The following EMC3 variants were observed in gnomAD, a reference collection of about 807,000 sequenced individuals.
The protein encoded by EMC3 is 30 kDa protein.
Under a neutral mutation model 36.6 loss-of-function variants are expected in EMC3, and 13 were observed. The observed-to-expected ratio is 0.35, with a 90% CI of 0.23 to 0.56. EMC3 has a LOEUF of 0.56. Among genes scored for constraint, EMC3 ranks in the 20% least tolerant of loss-of-function variants. EMC3 has a pLI of 0.84. For missense variants in EMC3, 220 were observed against 324.5 expected (o/e 0.68, Z 2.47); for synonymous variants, 120 against 111.9 (o/e 1.07, Z -0.46).
intron 1 of EMC3, among the ~76,000 whole-genome samples, chr3:10,000,277 T>G (rs1386441457): frequency 6.6e-6 from 1 of 152,116 alleles, no homozygotes; most frequent in African/African-American, 2.4e-5. Flanking sequence ...TGAACTCAAG[T>G]GAACCACCCG....
intron 1 of EMC3, among the ~76,000 whole-genome samples, chr3:9,999,775 T>C (rs1010056812): frequency 6.6e-6 from 1 of 152,184 alleles, no homozygotes; most frequent in Admixed American, 6.5e-5. Flanking sequence ...AAGTTTAACT[T>C]GTTACTATTT....
At chr3:9,987,615 A>G (rs1242544913), upstream of EMC3, among the ~76,000 whole-genome samples, 7 of 152,210 alleles carry the variant, frequency 4.6e-5, no homozygotes, top group African/African-American at 1.7e-4. Flanking sequence ...ACTAATCCGG[A>G]TAGCATTGAG....
intron 1 of EMC3, chr3:10,004,617 G>A (rs1176956272): frequency 2.6e-5 from 4 of 152,288 alleles, no homozygotes; most frequent in African/African-American, 9.6e-5. Context: ...CTTTGCCCTT[G>A]GGAGTCCTGT....
chr3:9,966,915 A>C (rs2085741361), intron 7 of EMC3, among the ~76,000 whole-genome samples: 1 of 152,206 alleles, frequency 6.6e-6, no homozygotes, highest in South Asian at 2.1e-4. Context: ...ATGTAACATA[A>C]CATACACCAC....
At chr3:10,003,100 G>A (rs574928736) in intron 1 of EMC3, 1 of 456,296 alleles carries the variant, frequency 2.2e-6, no homozygotes, top group East Asian at 7.0e-5. Flanking sequence ...CAGCAGCAGT[G>A]GTGCAGACCC....
At chr3:9,996,857 C>G (rs557383177) in intron 1 of EMC3, among the ~76,000 whole-genome samples, 1 of 152,116 alleles carries the variant, frequency 6.6e-6, no homozygotes, top group African/African-American at 2.4e-5. Flanking sequence ...ATACCTTTTG[C>G]ATTTAGCAGT....
In EMC3 at chr3:9,963,166, G is replaced by T. The variant is rs746144313; in HGVS notation, c.*903C>A. Reference sequence around the variant, plus strand: ...TGACCCTGGGTATTCACTCTGAAGAGAGTTTATTTGAATAAGGTTTTGACA... The same window carrying T: ...TGACCCTGGGTATTCACTCTGAAGATAGTTTATTTGAATAAGGTTTTGACA... On this transcript the variant is annotated 3_prime_UTR_variant, in exon 8 of 8. Transcript: ENST00000245046. The T allele has an allele frequency of 6.6e-6, 1 of 152,262 alleles. No individual in the cohort carries two copies. The highest frequency in any genetic ancestry group is 1.9e-4 in the East Asian group (1 of 5,188). The allele number at this position is 152,262 out of a possible 1,614,324, so 9.4% of individuals were successfully genotyped here.
intron 3 of EMC3, 40 bp from the exon 4 acceptor site, chr3:9,974,528 C>T (rs759419487): frequency 1.5e-6 from 2 of 1,364,162 alleles, no homozygotes; most frequent in East Asian, 4.6e-5. Flanking sequence ...TAAGTTTTAC[C>T]TCTGTTGCCA....
At chr3:9,974,362 G>C in intron 4 of EMC3, 22 bp downstream of exon 4, 1 of 1,529,030 alleles carries the variant, frequency 6.5e-7, no homozygotes, top group Non-Finnish European at 9.1e-7. Flanking sequence ...GTAACATGAA[G>C]TCGGCTGGGT....
chr3:9,973,830 A>G, intron 4 of EMC3, 121 bp from the exon 5 acceptor site: 2 of 876,156 alleles, frequency 2.3e-6, no homozygotes, highest in Non-Finnish European at 3.7e-6. Context: ...GACTTCCACA[A>G]GGAAATCTGT....
chr3:9,978,927 C>T (rs1225689855), intron 1 of EMC3, among the ~76,000 whole-genome samples: 2 of 152,176 alleles, frequency 1.3e-5, no homozygotes, highest in Non-Finnish European at 2.9e-5. Flanking sequence ...GTCAGTACCC[C>T]GGGGTTTCCC....
upstream of EMC3, chr3:9,987,962 T>G (rs961433166): frequency 4.0e-6 from 4 of 1,007,678 alleles, 1 homozygote; most frequent in East Asian, 2.7e-5. Context: ...TTGCCATCAC[T>G]GTTGCAGGCT....
At chr3:9,991,526 G>T (rs550009834), upstream of EMC3, among the ~76,000 whole-genome samples, 545 of 152,160 alleles carry the variant, frequency 3.6e-3, 5 homozygotes, top group Admixed American at 8.6e-3. Context: ...GGTGGTGGTG[G>T]TGTTTAAAGA....
chr3:9,974,567 G>GT (rs962822349), intron 3 of EMC3, 79 bp from the exon 4 acceptor site: 3,530 of 958,060 alleles, frequency 3.7e-3, no homozygotes, highest in Non-Finnish European at 4.3e-3. Flanking sequence ...TCTGTAAACT[G>GT]TTTTTTTTTG....
intron 1 of EMC3, among the ~76,000 whole-genome samples, chr3:9,983,444 G>A (rs981338036): frequency 2.0e-5 from 3 of 152,098 alleles, no homozygotes; most frequent in African/African-American, 4.8e-5. Context: ...TACTGTGTCC[G>A]GCTGTTACAT....
At chr3:9,992,611 G>A (rs994624896) in intron 1 of EMC3, among the ~76,000 whole-genome samples, 1 of 152,162 alleles carries the variant, frequency 6.6e-6, no homozygotes, top group Non-Finnish European at 1.5e-5. Context: ...TAAATGTGAA[G>A]ATGTTCAAAG....
At chr3:9,973,940 A>C (rs1244293591) in intron 4 of EMC3, among the ~76,000 whole-genome samples, 2 of 152,210 alleles carry the variant, frequency 1.3e-5, no homozygotes, top group African/African-American at 4.8e-5. Flanking sequence ...ACTCAAACTG[A>C]GCTGTGACCT....
chr3:10,010,615 G>A (rs2086313294), intron 1 of EMC3, among the ~76,000 whole-genome samples: 1 of 152,184 alleles, frequency 6.6e-6, no homozygotes, highest in Admixed American at 6.5e-5. Context: ...CCACTCAGTG[G>A]CCAGCGTGTC....
chr3:9,989,397 A>C (rs2086018728), upstream of EMC3, among the ~76,000 whole-genome samples: 1 of 147,562 alleles, frequency 6.8e-6, no homozygotes, highest in African/African-American at 2.6e-5. Context: ...CTAAAAATAC[A>C]AAAAAAAAAT....
Sources: gnomAD v4.1 joint callset for allele counts (sites outside exome capture counted in the v4.1 genomes callset) on GRCh38, gnomAD v4.1.1 for gene constraint, MANE v1.5 for transcripts, NCBI Gene and HGNC (gene_info 2026-07-23, HGNC 2026-07-21) for gene names.